The following SNTG2 variants were observed in gnomAD, a reference collection of about 807,000 sequenced individuals.
SNTG2 encodes syntrophin gamma 2.
Under a neutral mutation model 70.9 loss-of-function variants are expected in SNTG2, and 74 were observed. The observed-to-expected ratio is 1.04, with a 90% CI of 0.86 to 1.27. The LOEUF is 1.27. SNTG2 is among the 50% of genes most tolerant of loss of function. The pLI is 0.00. For synonymous variants in SNTG2, 278 were observed against 273.8 expected, an observed-to-expected ratio of 1.02 and a Z score of -0.15; for missense variants, 717 against 690.7, an observed-to-expected ratio of 1.04 and a Z score of -0.43.
At chr2:1,060,382 A>G (rs188923113) in intron 1 of SNTG2, among the ~76,000 whole-genome samples, 244 of 152,258 alleles carry the variant, frequency 1.6e-3, no homozygotes, top group Admixed American at 2.9e-3. Context: ...GTGTGTTTGG[A>G]GAGAGAGAAG....
intron 6 of SNTG2, among the ~76,000 whole-genome samples, chr2:1,143,950 A>G (rs1668931059): frequency 7.9e-6 from 1 of 127,076 alleles, no homozygotes; most frequent in African/African-American, 3.1e-5. Context: ...TTAAGAGGAA[A>G]AAAAACAGAA....
chr2:1,258,461 T>A (rs1373278247), intron 12 of SNTG2, among the ~76,000 whole-genome samples: 4 of 152,334 alleles, frequency 2.6e-5, no homozygotes, highest in Non-Finnish European at 5.9e-5. Flanking sequence ...AAATATTAAA[T>A]AGCAAAACTA....
chr2:956,782 G>A (rs1660177748), intron 1 of SNTG2, among the ~76,000 whole-genome samples: 1 of 152,244 alleles, frequency 6.6e-6, no homozygotes, highest in East Asian at 1.9e-4. Flanking sequence ...TGAATTAGAT[G>A]TATGTGTTTC....
intron 6 of SNTG2, among the ~76,000 whole-genome samples, chr2:1,144,920 G>C (rs1669000659): frequency 1.3e-5 from 2 of 152,192 alleles, no homozygotes. Flanking sequence ...ATCAATAACA[G>C]ATAGCTGGGA....
intron 4 of SNTG2, among the ~76,000 whole-genome samples, chr2:1,105,395 G>A (rs181693829): frequency 1.3e-5 from 2 of 152,256 alleles, no homozygotes; most frequent in African/African-American, 4.8e-5. Flanking sequence ...TAGGTGCTTA[G>A]ACATTTAAAT....
chr2:1,366,671 G>A (rs545468988), intron 16 of SNTG2, among the ~76,000 whole-genome samples: 8 of 152,230 alleles, frequency 5.3e-5, no homozygotes, highest in South Asian at 4.1e-4. Context: ...CTCGCTTCCC[G>A]CCGTGCTGTG....
intron 1 of SNTG2, among the ~76,000 whole-genome samples, chr2:953,861 T>C (rs897868962): frequency 1.3e-5 from 2 of 152,158 alleles, no homozygotes; most frequent in Admixed American, 6.5e-5. Context: ...CTGGATATCT[T>C]TATGGATGAT....
At chr2:1,199,458 A>C (rs1673145004) in intron 8 of SNTG2, among the ~76,000 whole-genome samples, 1 of 152,090 alleles carries the variant, frequency 6.6e-6, no homozygotes, top group South Asian at 2.1e-4. Context: ...TAAAAATTGT[A>C]ATAAGACAAA....
At chr2:1,091,989 C>G (rs1386115011) in intron 2 of SNTG2, among the ~76,000 whole-genome samples, 1 of 152,016 alleles carries the variant, frequency 6.6e-6, no homozygotes, top group Non-Finnish European at 1.5e-5. Context: ...GATTCAATGC[C>G]CCATTCTGAA....
chr2:1,209,255 G>A (rs759839552), intron 9 of SNTG2, 25 bp downstream of exon 9: 2 of 1,613,644 alleles, frequency 1.2e-6, no homozygotes, highest in Non-Finnish European at 1.7e-6. Context: ...TCTGAGATGG[G>A]AAACTTTGAT....
chr2:1,146,589 A>G (rs1299121880), intron 6 of SNTG2, among the ~76,000 whole-genome samples: 3 of 152,190 alleles, frequency 2.0e-5, no homozygotes, highest in Non-Finnish European at 2.9e-5. Context: ...AGAATAGCCA[A>G]TGCAGTATTG....
chr2:1,014,239 T>G (rs372844170), intron 1 of SNTG2, among the ~76,000 whole-genome samples: 3 of 3,260 alleles, frequency 9.2e-4, no homozygotes, highest in Admixed American at 3.3e-3. Context: ...GGGTGGTCTG[T>G]AGAGGGATTT....
chr2:1,142,444 A>G (rs959751179), intron 6 of SNTG2, among the ~76,000 whole-genome samples: 18 of 152,218 alleles, frequency 1.2e-4, no homozygotes, highest in African/African-American at 4.3e-4. Flanking sequence ...GCTCAGCAGG[A>G]AAGTGCCACA....
At chr2:1,202,414 G>A (rs1673331818) in intron 8 of SNTG2, among the ~76,000 whole-genome samples, 1 of 151,764 alleles carries the variant, frequency 6.6e-6, no homozygotes, top group Non-Finnish European at 1.5e-5. Context: ...GATATATTAA[G>A]AATGCAATAT....
rs191671426 is a variant in SNTG2, at chr2:1,077,153, C to A, written c.73-6365C>A. On this transcript the variant is annotated intron_variant, in intron 1 of 16. Coordinates refer to ENST00000308624, the MANE Select transcript of SNTG2 (RefSeq NM_018968.4). ...AAATGAACACCTTGCCCGCCACTCT[C>A]AGTGCCAAGTCTGATTGTATGTTTA... is the stretch of plus-strand genomic sequence containing the variant. 2.5e-4 allele frequency among the ~76,000 whole-genome samples: 38 copies of A among 152,292 alleles called. 1 individual carries two copies. Among genetic ancestry groups the A allele is most frequent in the Admixed American group, 1.2e-3 (18 of 15,306 alleles).
intron 4 of SNTG2, among the ~76,000 whole-genome samples, chr2:1,130,586 A>G (rs1667956085): frequency 6.6e-6 from 1 of 152,188 alleles, no homozygotes; most frequent in Non-Finnish European, 1.5e-5. Context: ...CATCCTTTCA[A>G]CATTTATTCC....
chr2:1,075,094 TGCACATAA>T (rs1219051606), intron 1 of SNTG2, among the ~76,000 whole-genome samples: 1 of 152,184 alleles, frequency 6.6e-6, no homozygotes, highest in Non-Finnish European at 1.5e-5. Context: ...CCAAGAATAA[TGCACATAA>T]AAGAGTAATA....
intron 16 of SNTG2, among the ~76,000 whole-genome samples, chr2:1,318,561 G>A (rs1415354041): frequency 3.3e-5 from 5 of 152,242 alleles, no homozygotes; most frequent in African/African-American, 1.2e-4. Flanking sequence ...TGACCGCAGT[G>A]CCTGAGCAGG....
intron 6 of SNTG2, among the ~76,000 whole-genome samples, chr2:1,164,653 A>G (rs1465355567): frequency 1.3e-5 from 2 of 151,018 alleles, no homozygotes; most frequent in Non-Finnish European, 2.9e-5. Context: ...GCGAGGTGGG[A>G]TACACCTGCC....
Sources: gnomAD v4.1 joint callset for allele counts (sites outside exome capture counted in the v4.1 genomes callset) on GRCh38, gnomAD v4.1.1 for gene constraint, MANE v1.5 for transcripts, NCBI Gene and HGNC (gene_info 2026-07-23, HGNC 2026-07-21) for gene names.